The following SKAP1 variants were observed in gnomAD, a reference collection of about 807,000 sequenced individuals.
SKAP1 encodes src kinase associated phosphoprotein 1.
In SKAP1, 44 loss-of-function variants were observed where a neutral mutation model predicts 58.5. That is an observed-to-expected ratio of 0.75 (90% CI 0.59 to 0.97). The LOEUF (loss-of-function observed/expected upper bound fraction) is 0.97, where lower values mean the gene tolerates loss of function less well. Among genes scored for constraint, SKAP1 ranks in the 50% least tolerant of loss-of-function variants. The probability of loss-of-function intolerance (pLI) is 0.00; values close to 1 mark genes in which losing one functional copy is unlikely to be tolerated. For missense variants in SKAP1, 390 were observed against 435.2 expected (o/e 0.90, Z 0.92); for synonymous variants, 127 against 149.7 (o/e 0.85, Z 1.11).
intron 4 of SKAP1, among the ~76,000 whole-genome samples, chr17:48,275,928 C>T (rs897171593): frequency 5.9e-5 from 9 of 152,104 alleles, no homozygotes; most frequent in African/African-American, 1.7e-4. Flanking sequence ...AAAGGGACCA[C>T]TATATCTTAT....
chr17:48,387,779 C>T (rs550766334), intron 2 of SKAP1, among the ~76,000 whole-genome samples: 4 of 152,186 alleles, frequency 2.6e-5, no homozygotes, highest in Non-Finnish European at 1.5e-5. Context: ...TATTAGCTTT[C>T]CTTTTATCAA....
intron 1 of SKAP1, among the ~76,000 whole-genome samples, chr17:48,398,356 G>A (rs2067447986): frequency 6.6e-6 from 1 of 151,896 alleles, no homozygotes; most frequent in Non-Finnish European, 1.5e-5. Context: ...ATCTGTCACT[G>A]ACTCCTGTCA....
At chr17:48,157,228 T>C (rs1237095372) in intron 11 of SKAP1, among the ~76,000 whole-genome samples, 1 of 126,112 alleles carries the variant, frequency 7.9e-6, no homozygotes, top group East Asian at 2.3e-4. Flanking sequence ...TGGTTATCTC[T>C]GGGGAGCATC....
chr17:48,336,657 C>T (rs965864027), intron 4 of SKAP1, among the ~76,000 whole-genome samples: 10 of 151,340 alleles, frequency 6.6e-5, no homozygotes, highest in African/African-American at 2.2e-4. Context: ...GGAAAGATGT[C>T]CGGCAAAGGG....
intron 4 of SKAP1, chr17:48,308,068 GACT>G (rs1294350568): frequency 1.3e-5 from 2 of 152,202 alleles, no homozygotes; most frequent in African/African-American, 4.8e-5. Flanking sequence ...TCTCCAGGCG[GACT>G]ACAATTCAGA....
At chr17:48,346,102 G>A (rs2066719473) in intron 3 of SKAP1, 96 bp from the exon 4 acceptor site, 6 of 619,470 alleles carry the variant, frequency 9.7e-6, no homozygotes, top group Middle Eastern at 3.5e-4. Flanking sequence ...ATCTCTTCCA[G>A]TATTCGAAAA....
chr17:48,415,946 GC>G (rs2067727026), intron 1 of SKAP1, among the ~76,000 whole-genome samples: 1 of 152,270 alleles, frequency 6.6e-6, no homozygotes, highest in East Asian at 1.9e-4. Context: ...GTTTTCAGAA[GC>G]CCAAGTTGGA....
the SKAP1 span, among the ~76,000 whole-genome samples, chr17:48,437,905 A>G: frequency 3.3e-5 from 5 of 151,764 alleles, no homozygotes; most frequent in Admixed American, 1.3e-4. Flanking sequence ...TTGAATCCTT[A>G]CCCTCCTTGC....
intron 4 of SKAP1, among the ~76,000 whole-genome samples, chr17:48,324,405 C>T (rs2066405674): frequency 6.6e-6 from 1 of 151,978 alleles, no homozygotes; most frequent in East Asian, 1.9e-4. Flanking sequence ...TATATTATTT[C>T]CAAGCTTTCT....
At chr17:48,304,185 C>T (rs895210188) in intron 4 of SKAP1, among the ~76,000 whole-genome samples, 1 of 152,084 alleles carries the variant, frequency 6.6e-6, no homozygotes, top group Admixed American at 6.6e-5. Flanking sequence ...ATAAAAAACA[C>T]TTATTTTATG....
At chr17:48,185,125 A>C (rs1384768383) in intron 6 of SKAP1, 2 of 328,412 alleles carry the variant, frequency 6.1e-6, no homozygotes, top group Non-Finnish European at 1.1e-5. Context: ...GATCTATAAC[A>C]ACAGAAAGAA....
At chr17:48,430,773 T>C (rs548831532), upstream of SKAP1, among the ~76,000 whole-genome samples, 2 of 152,264 alleles carry the variant, frequency 1.3e-5, no homozygotes, top group Admixed American at 6.5e-5. Flanking sequence ...GAAACCAAAC[T>C]GTGCTGTTCT....
At position 48,180,039 on chromosome 17, in the gene SKAP1, G is replaced by A; in HGVS notation, c.826+15C>T. On this transcript the variant is annotated intron_variant, in intron 9 of 12. Coordinates refer to ENST00000336915, the MANE Select transcript of SKAP1 (RefSeq NM_003726.4). Reference sequence around the variant, plus strand: ...TGAAACTAGCATAAGATAATCAGAGGACAAAATTTCTCACCTGGCAAGACT... The same window carrying A: ...TGAAACTAGCATAAGATAATCAGAGAACAAAATTTCTCACCTGGCAAGACT... 1 of 1,565,762 alleles carries A rather than the reference G, an allele frequency of 6.4e-7. No individual in the cohort carries two copies. The highest frequency in any genetic ancestry group is 8.6e-7 in the Non-Finnish European group (1 of 1,158,450).
chr17:48,408,826 C>T (rs1157338273), intron 1 of SKAP1, among the ~76,000 whole-genome samples: 4 of 152,122 alleles, frequency 2.6e-5, no homozygotes, highest in African/African-American at 7.2e-5. Flanking sequence ...TACATTTGCC[C>T]TTCAATTTAG....
intron 1 of SKAP1, among the ~76,000 whole-genome samples, chr17:48,428,195 A>G (rs1598693403): frequency 6.6e-6 from 1 of 152,222 alleles, no homozygotes; most frequent in African/African-American, 2.4e-5. Flanking sequence ...AACTTAAAAA[A>G]AAAAGCCTTA....
intron 4 of SKAP1, among the ~76,000 whole-genome samples, chr17:48,250,766 A>G (rs1369867057): frequency 6.6e-6 from 1 of 152,116 alleles, no homozygotes; most frequent in Non-Finnish European, 1.5e-5. Flanking sequence ...TCCATTTCTG[A>G]TATTTCCACA....
chr17:48,266,161 C>T (rs1330645282), intron 4 of SKAP1, among the ~76,000 whole-genome samples: 1 of 152,124 alleles, frequency 6.6e-6, no homozygotes, highest in Non-Finnish European at 1.5e-5. Context: ...CACATACACA[C>T]ACACACTAGC....
chr17:48,188,368 C>T (rs1290134535), intron 5 of SKAP1, among the ~76,000 whole-genome samples: 1 of 152,140 alleles, frequency 6.6e-6, no homozygotes, highest in East Asian at 1.9e-4. Context: ...GGTACCTACT[C>T]TAATTAAATG....
At position 48,378,789 on chromosome 17, in the gene SKAP1, A is replaced by G. The variant is rs572903344; in HGVS notation, c.153-14975T>C. ...CTCTGTCACTGAGCCCTCAAGGGGC[A>G]GTGGCATAGAGCTTGTGCTCAATAA... On this transcript the variant is annotated intron_variant, in intron 2 of 12. Coordinates refer to ENST00000336915, the MANE Select transcript of SKAP1 (RefSeq NM_003726.4). 1.8e-4 allele frequency among the ~76,000 whole-genome samples: 28 copies of G among 152,312 alleles called. No individual in the cohort carries two copies. In the Middle Eastern group the frequency reaches 0.014, roughly 74 times the overall value.
Sources: allele counts gnomAD v4.1 joint callset (sites outside exome capture counted in the v4.1 genomes callset), GRCh38; gene constraint gnomAD v4.1.1; transcripts MANE v1.5; gene names NCBI Gene and HGNC (gene_info 2026-07-23, HGNC 2026-07-21).